The following BAIAP2L1 variants were observed in gnomAD, a reference collection of about 807,000 sequenced individuals.
The protein encoded by BAIAP2L1 is BAR/IMD domain containing adaptor protein 2 like 1.
Under a neutral mutation model 66.3 loss-of-function variants are expected in BAIAP2L1, and 35 were observed. The observed-to-expected ratio is 0.53, with a 90% CI of 0.40 to 0.70. BAIAP2L1 has a LOEUF of 0.70. Among genes scored for constraint, BAIAP2L1 ranks in the 30% least tolerant of loss-of-function variants. BAIAP2L1 has a pLI of 0.00. For missense variants in BAIAP2L1, 622 were observed against 656.9 expected (o/e 0.95, Z 0.58); for synonymous variants, 269 against 248.7 (o/e 1.08, Z -0.77).
chr7:98,363,027 CTTTTTTTT>C (rs71537235), intron 1 of BAIAP2L1, among the ~76,000 whole-genome samples: 17 of 75,580 alleles, frequency 2.2e-4, no homozygotes, highest in South Asian at 1.5e-3. Context: ...GGCATTTTTT[CTTTTTTTT>C]TTTTTTTTTT....
chr7:98,334,385 T>C (rs1281846186), intron 3 of BAIAP2L1, among the ~76,000 whole-genome samples: 1 of 152,200 alleles, frequency 6.6e-6, no homozygotes, highest in African/African-American at 2.4e-5. Context: ...TAGTAATTTT[T>C]ATTTTACCTT....
intron 7 of BAIAP2L1, among the ~76,000 whole-genome samples, chr7:98,312,812 T>A (rs1210743862): frequency 1.3e-5 from 2 of 151,794 alleles, no homozygotes; most frequent in African/African-American, 2.4e-5. Context: ...CCAAACAAGG[T>A]TTTGCAGAGC....
chr7:98,382,649 T>C (rs114289670), intron 1 of BAIAP2L1, among the ~76,000 whole-genome samples: 1 of 152,138 alleles, frequency 6.6e-6, no homozygotes, highest in Non-Finnish European at 1.5e-5. Flanking sequence ...TAACTCTATA[T>C]AGTTATGTTT....
At chr7:98,349,498 T>C (rs532473948) in intron 3 of BAIAP2L1, among the ~76,000 whole-genome samples, 15 of 152,238 alleles carry the variant, frequency 9.9e-5, no homozygotes, top group African/African-American at 3.6e-4. Flanking sequence ...AACCACCATT[T>C]CCAAGGGGAC....
At chr7:98,353,667 A>C (rs1802056097) in intron 3 of BAIAP2L1, among the ~76,000 whole-genome samples, 1 of 140,304 alleles carries the variant, frequency 7.1e-6, no homozygotes. Flanking sequence ...TATATATATA[A>C]ATAATATTAT....
At chr7:98,312,612 G>C (rs1288225114) in intron 7 of BAIAP2L1, among the ~76,000 whole-genome samples, 1 of 152,118 alleles carries the variant, frequency 6.6e-6, no homozygotes, top group Non-Finnish European at 1.5e-5. Flanking sequence ...CCCCAGAAAC[G>C]CCAACCATCA....
chr7:98,365,472 G>A (rs745912138), intron 1 of BAIAP2L1, among the ~76,000 whole-genome samples: 75 of 152,054 alleles, frequency 4.9e-4, no homozygotes, highest in Admixed American at 1.0e-3. Flanking sequence ...TGCTCTTTTT[G>A]TTTTGGTTTG....
chr7:98,337,273 C>G (rs1282032921), intron 3 of BAIAP2L1, among the ~76,000 whole-genome samples: 1 of 151,532 alleles, frequency 6.6e-6, no homozygotes, highest in Non-Finnish European at 1.5e-5. Context: ...ACTCTGTTGC[C>G]CAGGCTGGAG....
At chr7:98,386,459 T>C in intron 1 of BAIAP2L1, 8 of 1,597,326 alleles carry the variant, frequency 5.0e-6, no homozygotes, top group Non-Finnish European at 2.5e-6. Context: ...TTCCAATATT[T>C]CTTATACTGA....
At chr7:98,336,834 C>T (rs1274258334) in intron 3 of BAIAP2L1, among the ~76,000 whole-genome samples, 1 of 152,034 alleles carries the variant, frequency 6.6e-6, no homozygotes, top group African/African-American at 2.4e-5. Flanking sequence ...GGTTGAGTGC[C>T]GTGAGTTTTG....
At chr7:98,299,443 C>T (rs1442429196) in intron 12 of BAIAP2L1, among the ~76,000 whole-genome samples, 1 of 152,170 alleles carries the variant, frequency 6.6e-6, no homozygotes, top group Non-Finnish European at 1.5e-5. Flanking sequence ...CAGGTGTGAG[C>T]CACCGTGCCC....
intron 3 of BAIAP2L1, among the ~76,000 whole-genome samples, chr7:98,352,904 A>G (rs976964727): frequency 6.6e-6 from 1 of 152,110 alleles, no homozygotes. Flanking sequence ...TCAGAGCACC[A>G]TATGTTTTAA....
chr7:98,296,407 C>G (rs1200635344), intron 12 of BAIAP2L1, among the ~76,000 whole-genome samples: 1 of 152,202 alleles, frequency 6.6e-6, no homozygotes, highest in Non-Finnish European at 1.5e-5. Context: ...GGGCGCATCA[C>G]CTGAGGTCGG....
At chr7:98,385,708 C>A (rs1802870855) in intron 1 of BAIAP2L1, 1 of 1,161,372 alleles carries the variant, frequency 8.6e-7, no homozygotes, top group South Asian at 1.4e-5. Context: ...GCCCCCACAC[C>A]CAGCCAGGAA....
chr7:98,296,424 G>A (rs1441001628), intron 12 of BAIAP2L1, among the ~76,000 whole-genome samples: 1 of 152,126 alleles, frequency 6.6e-6, no homozygotes, highest in Non-Finnish European at 1.5e-5. Flanking sequence ...TCGGGAGTTC[G>A]AGACCAGCCT....
chr7:98,361,574 G>A (rs1209860395), intron 2 of BAIAP2L1, among the ~76,000 whole-genome samples: 2 of 152,066 alleles, frequency 1.3e-5, no homozygotes, highest in African/African-American at 4.8e-5. Flanking sequence ...AGAATTTGGT[G>A]ATTGCTAGCG....
At chr7:98,346,380 A>C (rs1002343325) in intron 3 of BAIAP2L1, among the ~76,000 whole-genome samples, 3 of 152,218 alleles carry the variant, frequency 2.0e-5, no homozygotes, top group Admixed American at 6.5e-5. Flanking sequence ...ATCTCAAATA[A>C]ATGAAAGCAT....
chr7:98,400,969 G>C lies in BAIAP2L1; in HGVS notation c.-117C>G, dbSNP rs1803356891. ...AAGGGGCTCTGGAGGGTCGGCCGCC[G>C]CCGCAGCCGTCGGCCCGAGAGTGCC... On this transcript the variant is annotated 5_prime_UTR_variant, in exon 1 of 14. Transcript: ENST00000005260. The C allele has an allele frequency of 1.1e-6, 1 of 951,616 alleles. No individual in the cohort carries two copies. The highest frequency in any genetic ancestry group is 1.7e-5 in the African/African-American group (1 of 57,144). 58.9% of individuals were successfully genotyped at this position (951,616 alleles called of 1,614,324 possible).
intron 2 of BAIAP2L1, among the ~76,000 whole-genome samples, chr7:98,361,790 C>T (rs865791423): frequency 1.3e-5 from 2 of 152,082 alleles, no homozygotes; most frequent in African/African-American, 4.8e-5. Flanking sequence ...GGCTGGGGTG[C>T]AGTGGCACTA....
Sources: allele counts gnomAD v4.1 joint callset (sites outside exome capture counted in the v4.1 genomes callset), GRCh38; gene constraint gnomAD v4.1.1; transcripts MANE v1.5; gene names NCBI Gene and HGNC (gene_info 2026-07-23, HGNC 2026-07-21).